The following BCAS3 variants were observed in gnomAD, a reference collection of about 807,000 sequenced individuals.
BCAS3 encodes BCAS4/BCAS3 fusion.
BCAS3 carries 53 observed loss-of-function variants against 116.1 expected under a neutral mutation model. The observed-to-expected ratio is 0.46, with a 90% CI of 0.37 to 0.57. The LOEUF (loss-of-function observed/expected upper bound fraction) is 0.57, where lower values mean the gene tolerates loss of function less well. Ranked by LOEUF, BCAS3 falls within the 20% of genes least tolerant of loss-of-function variation. BCAS3 has a pLI of 0.00. For synonymous variants in BCAS3, 391 were observed against 408.2 expected, an observed-to-expected ratio of 0.96 and a Z score of 0.51; for missense variants, 917 against 1,165.4, an observed-to-expected ratio of 0.79 and a Z score of 3.10.
chr17:60,985,037 G>A (rs967523276), intron 14 of BCAS3, among the ~76,000 whole-genome samples: 1 of 140,420 alleles, frequency 7.1e-6, no homozygotes, highest in Non-Finnish European at 1.5e-5. Flanking sequence ...AAAAAGTTTT[G>A]TTTTAATACG....
In BCAS3 at chr17:61,008,201, G is replaced by C. The variant is rs2064854363; in HGVS notation, c.1487-7550G>C. Among the ~76,000 whole-genome samples, 1 of 152,064 alleles carries C rather than the reference G, an allele frequency of 6.6e-6. No homozygotes were observed. Among genetic ancestry groups the C allele is most frequent in the Admixed American group, 6.6e-5 (1 of 15,250 alleles). On this transcript the variant is annotated intron_variant, in intron 15 of 23. Transcript: ENST00000407086. This position sits in a 1 kb window ranked among gnomAD's most constrained non-coding sequence, Gnocchi z 4.6. ...GCTGCTGTTTCCTTTTCCGACTTGA[G>C]TAGATTGCAGATTATACTGGAACAT...
chr17:60,702,131 TGTAAAC>T (rs2143946041), intron 4 of BCAS3, among the ~76,000 whole-genome samples: 1 of 152,336 alleles, frequency 6.6e-6, no homozygotes, highest in South Asian at 2.1e-4. Context: ...TCTGTAATCA[TGTAAAC>T]GTATAGATGT....
At chr17:60,758,929 A>G (rs929522393) in intron 6 of BCAS3, among the ~76,000 whole-genome samples, 1 of 152,010 alleles carries the variant, frequency 6.6e-6, no homozygotes, top group African/African-American at 2.4e-5. Context: ...TATAGTTTAC[A>G]AAATTCATTT....
chr17:61,218,238 C>T (rs2081917094), intron 22 of BCAS3, among the ~76,000 whole-genome samples: 2 of 152,168 alleles, frequency 1.3e-5, no homozygotes, highest in South Asian at 4.1e-4. Flanking sequence ...GCTGTGAGCC[C>T]ATTATCACAG....
At position 61,224,452 on chromosome 17, in the gene BCAS3, G is replaced by A. The variant is rs201591279; in HGVS notation, c.2425+139888G>A. On this transcript the variant is annotated intron_variant, in intron 22 of 23. Transcript: ENST00000407086. This position sits in a 1 kb window ranked among gnomAD's most constrained non-coding sequence, Gnocchi z 5.7. ...ATCCCAGGCAGGGAGAACAGTGCTC[G>A]GAAAACAGGGTGTACATATGGGGAC... Among the ~76,000 whole-genome samples the A allele has an allele frequency of 3.5e-4, 53 of 152,304 alleles. 1 individual carries two copies. The East Asian group carries it at 3.7e-3, about 11-fold the overall frequency.
Position 61,191,348 on chromosome 17 carries a change from G to C in BCAS3, c.2425+106784G>C, listed in dbSNP as rs183885506. ...GCAAGTAGGAGATAAATTCACTCAGGTGATAGGACAATAATAAAACAATTA... is the reference window on the plus strand; with the variant it reads ...GCAAGTAGGAGATAAATTCACTCAGCTGATAGGACAATAATAAAACAATTA... On this transcript the variant is annotated intron_variant, in intron 22 of 23. Coordinates refer to ENST00000407086, the MANE Select transcript of BCAS3 (RefSeq NM_017679.5). Among the ~76,000 whole-genome samples, 134 of 152,176 alleles carry C rather than the reference G, an allele frequency of 8.8e-4. 1 individual carries two copies. The highest frequency in any genetic ancestry group is 2.2e-4 in the Non-Finnish European group (15 of 68,010).
At position 60,927,988 on chromosome 17, in the gene BCAS3, C is replaced by T. The variant is rs566255782; in HGVS notation, c.1087+3488C>T. ...TGGCTTGCTAAAAGGATCCACACTA[C>T]AGAAATGTTTTAGAACCCTTTATCA... On this transcript the variant is annotated intron_variant, in intron 13 of 23. Transcript: ENST00000407086. 4.7e-4 allele frequency among the ~76,000 whole-genome samples: 71 copies of T among 152,238 alleles called. 1 individual carries two copies. In the South Asian group the frequency reaches 0.013, roughly 28 times the overall value.
chr17:61,194,648 G>A (rs925053491), intron 22 of BCAS3, among the ~76,000 whole-genome samples: 4 of 150,742 alleles, frequency 2.7e-5, no homozygotes, highest in Non-Finnish European at 1.5e-5. Context: ...GCTGAGGCAG[G>A]AGAATCACTT....
rs186621827 is a variant in BCAS3 at position 61,249,156 on chromosome 17, G to A, written c.2426-119171G>A. Among the ~76,000 whole-genome samples, 197 of 151,994 alleles carry A rather than the reference G, an allele frequency of 1.3e-3. 1 individual carries two copies. Among genetic ancestry groups the A allele is most frequent in the African/African-American group, 4.4e-3 (181 of 41,458 alleles). On this transcript the variant is annotated intron_variant, in intron 22 of 23. Transcript: ENST00000407086. This position sits in a 1 kb window ranked among gnomAD's most constrained non-coding sequence, Gnocchi z 6.2. ...CAAAAAATTAGCCGGGAATGGTGGC[G>A]GGTGCCTGTAATCCCAGCTACTCGG... is the stretch of plus-strand genomic sequence containing the variant.
intron 14 of BCAS3, among the ~76,000 whole-genome samples, chr17:60,954,715 C>A (rs1021054742): frequency 1.1e-4 from 17 of 152,140 alleles, no homozygotes; most frequent in Non-Finnish European, 2.1e-4. Flanking sequence ...GAATATTTAA[C>A]ATCTCATACA....
intron 22 of BCAS3, among the ~76,000 whole-genome samples, chr17:61,242,276 C>CAAAAAAAA (rs372656421): frequency 7.6e-6 from 1 of 130,992 alleles, no homozygotes. Flanking sequence ...AACTCTGTCT[C>CAAAAAAAA]AAAAAAAAAA....
At chr17:61,071,396 A>C (rs1375200537) in intron 19 of BCAS3, among the ~76,000 whole-genome samples, 1 of 152,214 alleles carries the variant, frequency 6.6e-6, no homozygotes, top group Non-Finnish European at 1.5e-5. Context: ...GATCTATTTT[A>C]GAGGAATGGC....
chr17:61,022,541 G>C (rs1347279576), intron 16 of BCAS3, among the ~76,000 whole-genome samples: 2 of 152,132 alleles, frequency 1.3e-5, no homozygotes, highest in African/African-American at 2.4e-5. Flanking sequence ...ACCGCGCCCA[G>C]CCTATACCAT....
intron 5 of BCAS3, among the ~76,000 whole-genome samples, chr17:60,732,700 G>T (rs536017512): frequency 6.6e-6 from 1 of 152,084 alleles, no homozygotes; most frequent in African/African-American, 2.4e-5. Context: ...TTAGCTGGGC[G>T]TGGTGGTGCG....
Position 60,776,389 on chromosome 17 carries a change from T to C in BCAS3, c.403+29110T>C, listed in dbSNP as rs569838483. Reference sequence around the variant, plus strand: ...TATACATTAATATTAGTTTTCCAAATGTAACTAATGTCCTTCTTTAACCTA... The same window carrying C: ...TATACATTAATATTAGTTTTCCAAACGTAACTAATGTCCTTCTTTAACCTA... On this transcript the variant is annotated intron_variant, in intron 6 of 23. Coordinates refer to ENST00000407086, the MANE Select transcript of BCAS3 (RefSeq NM_017679.5). 2.2e-3 allele frequency among the ~76,000 whole-genome samples: 336 copies of C among 152,334 alleles called. 1 individual carries two copies. Among genetic ancestry groups the C allele is most frequent in the African/African-American group, 7.4e-3 (307 of 41,592 alleles).
rs1183933186 is a variant in BCAS3 at position 61,227,781 on chromosome 17, T to C, written c.2426-140546T>C. On this transcript the variant is annotated intron_variant, in intron 22 of 23. Coordinates refer to ENST00000407086, the MANE Select transcript of BCAS3 (RefSeq NM_017679.5). This position sits in a 1 kb window ranked among gnomAD's most constrained non-coding sequence, Gnocchi z 6.1. Reference sequence around the variant, plus strand: ...CTTTTTGTGTTATTTATATTTTCTGTAATGATTTTCTGTTGCTCTCTGCTT... The same window carrying C: ...CTTTTTGTGTTATTTATATTTTCTGCAATGATTTTCTGTTGCTCTCTGCTT... Among the ~76,000 whole-genome samples, 1 of 152,250 alleles carries C rather than the reference T, an allele frequency of 6.6e-6. No homozygotes were observed. Among genetic ancestry groups the C allele is most frequent in the African/African-American group, 2.4e-5 (1 of 41,472 alleles).
In BCAS3 at chr17:60,961,513, A is replaced by G. The variant is rs1159570688; in HGVS notation, c.1221+14161A>G. Among the ~76,000 whole-genome samples, 1 of 152,134 alleles carries G rather than the reference A, an allele frequency of 6.6e-6. No homozygotes were observed. The highest frequency in any genetic ancestry group is 1.5e-5 in the Non-Finnish European group (1 of 68,024). ...ATAAAAATTATTTTATTTTTAAAATAAATTTTCAATTTTGGAATCATTTTA... is the reference window on the plus strand; with the variant it reads ...ATAAAAATTATTTTATTTTTAAAATGAATTTTCAATTTTGGAATCATTTTA... On this transcript the variant is annotated intron_variant, in intron 14 of 23. Transcript: ENST00000407086. The surrounding 1 kb of genome is among the most constrained non-coding windows in gnomAD (Gnocchi z 4.8).
At chr17:60,947,432 C>G in intron 14 of BCAS3, 80 bp downstream of exon 14, 1 of 1,377,342 alleles carries the variant, frequency 7.3e-7, no homozygotes, top group East Asian at 2.3e-5. Flanking sequence ...TATTACATTG[C>G]AGCTTAATGT....
intron 14 of BCAS3, among the ~76,000 whole-genome samples, chr17:60,973,806 G>T (rs1400677927): frequency 6.6e-6 from 1 of 151,870 alleles, no homozygotes; most frequent in Non-Finnish European, 1.5e-5. Flanking sequence ...TGGCCAGGCT[G>T]GTCTTGAACC....
Sources: gnomAD v4.1 joint callset for allele counts (sites outside exome capture counted in the v4.1 genomes callset) on GRCh38, gnomAD v4.1.1 for gene constraint, Gnocchi (gnomAD v3.1) non-coding constraint, MANE v1.5 for transcripts, NCBI Gene and HGNC (gene_info 2026-07-23, HGNC 2026-07-21) for gene names.